Variants in FBXL18 observed in about 807,000 individuals in gnomAD.
FBXL18 encodes F-box and leucine rich repeat protein 18, also known as F-box/LRR-repeat protein 18.
A neutral mutation model predicts 46.0 loss-of-function variants in FBXL18; 36 were observed. That is an observed-to-expected ratio of 0.78 (90% CI 0.60 to 1.03). FBXL18 has a LOEUF of 1.03. Among genes scored for constraint, FBXL18 ranks in the 50% least tolerant of loss-of-function variants. FBXL18 has a pLI of 0.00. For missense variants in FBXL18, 977 were observed against 1,004.1 expected (o/e 0.97, Z 0.36); for synonymous variants, 557 against 465.3 (o/e 1.20, Z -2.54).
At chr7:5,512,571 C>CTACA (rs1784568562) in intron 1 of FBXL18, among the ~76,000 whole-genome samples, 2 of 152,302 alleles carry the variant, frequency 1.3e-5, no homozygotes, top group South Asian at 2.1e-4. Context: ...CACCGCTGCA[C>CTACA]TACAGCCTGG....
In FBXL18 at chr7:5,500,450, T is replaced by C. The variant is rs751205670; in HGVS notation, c.1781+38A>G. The C allele has an allele frequency of 5.9e-6, 9 of 1,538,264 alleles. No homozygotes were observed. The Admixed American group carries it at 1.5e-4, about 26-fold the overall frequency. ...AACGCCCCAGTTCCCTCCGCCAGCTTCCAGCAGAGGCCCGAGAGGTCCCCG... is the reference window on the plus strand; with the variant it reads ...AACGCCCCAGTTCCCTCCGCCAGCTCCCAGCAGAGGCCCGAGAGGTCCCCG... On this transcript the variant is annotated intron_variant, in intron 3 of 4. Coordinates refer to ENST00000382368, the MANE Select transcript of FBXL18 (RefSeq NM_024963.6).
intron 1 of FBXL18, among the ~76,000 whole-genome samples, chr7:5,507,215 G>A (rs1256865181): frequency 6.6e-6 from 1 of 152,146 alleles, no homozygotes. Flanking sequence ...AAGCCAGGCT[G>A]CTACCATGGC....
intron 4 of FBXL18, among the ~76,000 whole-genome samples, chr7:5,490,890 C>T (rs1006650580): frequency 2.0e-5 from 3 of 152,166 alleles, no homozygotes; most frequent in South Asian, 2.1e-4. Context: ...ACCCGGAAGG[C>T]GAAGGTCGCA....
chr7:5,498,174 G>A (rs1784134614), intron 3 of FBXL18, among the ~76,000 whole-genome samples: 3 of 147,298 alleles, frequency 2.0e-5, no homozygotes, highest in South Asian at 2.1e-4. Flanking sequence ...TGCAAGATCC[G>A]CCTCCCGGGT....
intron 4 of FBXL18, among the ~76,000 whole-genome samples, chr7:5,482,895 A>T (rs1783684361): frequency 6.6e-6 from 1 of 151,930 alleles, no homozygotes; most frequent in Non-Finnish European, 1.5e-5. Flanking sequence ...AAAATGAGTC[A>T]GGCATGGTGG....
chr7:5,475,000 G>A (rs1419905947), downstream of FBXL18, among the ~76,000 whole-genome samples: 1 of 145,576 alleles, frequency 6.9e-6, no homozygotes, highest in African/African-American at 2.5e-5. Context: ...GAGCCACCGC[G>A]CCTGGCCAAA....
At chr7:5,472,169 G>A (rs936107270), downstream of FBXL18, among the ~76,000 whole-genome samples, 3 of 152,050 alleles carry the variant, frequency 2.0e-5, no homozygotes, top group Non-Finnish European at 4.4e-5. Flanking sequence ...TGAAGCCGCT[G>A]CCCCCACTAC....
At chr7:5,500,168 C>G (rs536454726) in intron 3 of FBXL18, among the ~76,000 whole-genome samples, 1 of 152,016 alleles carries the variant, frequency 6.6e-6, no homozygotes, top group Non-Finnish European at 1.5e-5. Flanking sequence ...CCCCCACCTA[C>G]TGGCTCTGCT....
At chr7:5,512,490 G>T (rs1379617789) in intron 1 of FBXL18, among the ~76,000 whole-genome samples, 4 of 152,000 alleles carry the variant, frequency 2.6e-5, no homozygotes, top group African/African-American at 4.8e-5. Context: ...TGATGCACAC[G>T]TGTAACCCCA....
chr7:5,489,109 C>G lies in FBXL18; in HGVS notation c.2000+2122G>C, dbSNP rs1437866776. ...AAAGCAAAGTCGAGGACACAGTGAC[C>G]GTGTTTTTAAAACCGCCATGAACCA... On this transcript the variant is annotated intron_variant, in intron 4 of 4. Transcript: ENST00000382368. 5.6e-5 allele frequency: 20 copies of G among 360,136 alleles called. No homozygotes were observed. The East Asian group carries it at 1.3e-3, about 24-fold the overall frequency. The allele number at this position is 360,136 out of a possible 1,614,324, so 22.3% of individuals were successfully genotyped here.
At chr7:5,489,099 A>G (rs976107450) in intron 4 of FBXL18, 1 of 347,286 alleles carries the variant, frequency 2.9e-6, no homozygotes, top group Non-Finnish European at 5.7e-6. Flanking sequence ...AAAGTCGAGG[A>G]CACAGTGACC....
Position 5,500,746 on chromosome 7 carries a change from T to A in FBXL18, c.1523A>T (p.Asn508Ile). Reference protein sequence around the residue: ...AMPRNEPAIRNSLPPCSRAQS... With the variant: ...AMPRNEPAIRISLPPCSRAQS... ...TGCGCGGCTGCAGGGTGGGAGCGAG[T>A]TGCGGATGGCGGGCTCGTTGCGGGG... The change falls in exon 3 of 5, where the codon AAC (asparagine) becomes ATC (isoleucine). Residue 508 changes from asparagine to isoleucine, a missense_variant. Physicochemically the swap from Asn to Ile is moderately radical, Grantham distance 149. Coordinates refer to ENST00000382368, the MANE Select transcript of FBXL18 (RefSeq NM_024963.6). 6.2e-7 allele frequency: 1 copy of A among 1,611,882 alleles called. No homozygotes were observed. The highest frequency in any genetic ancestry group is 8.5e-7 in the Non-Finnish European group (1 of 1,179,570).
downstream of FBXL18, among the ~76,000 whole-genome samples, chr7:5,471,661 C>A (rs972873441): frequency 1.3e-5 from 2 of 152,188 alleles, no homozygotes; most frequent in South Asian, 4.1e-4. Context: ...CTGCCCTCCT[C>A]GGCCTCCCAA....
At position 5,511,530 on chromosome 7, in the gene FBXL18, T is replaced by TGGGAAGC. The variant is rs558507376; in HGVS notation, c.18+2120_18+2126dup. On this transcript the variant is annotated intron_variant, in intron 1 of 4. Coordinates refer to ENST00000382368, the MANE Select transcript of FBXL18 (RefSeq NM_024963.6). ...CTGAGGCAGGAGAATCGCTTGAACC[T>TGGGAAGC]GGGAAGCAGAGGTTGCAGTGAGCCG... is the stretch of plus-strand genomic sequence containing the variant. 6.1e-4 allele frequency among the ~76,000 whole-genome samples: 56 copies of TGGGAAGC among 91,288 alleles called. 1 individual carries two copies. The highest frequency in any genetic ancestry group is 1.1e-3 in the Admixed American group (9 of 7,912). The allele number at this position is 91,288 out of a possible 152,430, so 59.9% of individuals were successfully genotyped here.
At chr7:5,467,935 T>C (rs1783366506) in intron 4 of FBXL18, among the ~76,000 whole-genome samples, 1 of 151,658 alleles carries the variant, frequency 6.6e-6, no homozygotes, top group South Asian at 2.1e-4. Context: ...GCACTGCGTG[T>C]GTGAGCAGAA....
At chr7:5,491,723 G>A (rs946406380) in intron 3 of FBXL18, among the ~76,000 whole-genome samples, 6 of 152,152 alleles carry the variant, frequency 3.9e-5, no homozygotes, top group East Asian at 1.9e-4. Flanking sequence ...GTCACCAGCC[G>A]AGGCCATCAG....
At chr7:5,494,922 C>T (rs550924724) in intron 3 of FBXL18, among the ~76,000 whole-genome samples, 6 of 152,330 alleles carry the variant, frequency 3.9e-5, no homozygotes, top group Admixed American at 6.5e-5. Flanking sequence ...TCTTCCGCCC[C>T]GGAGGAAGTC....
At position 5,475,816 on chromosome 7, in the gene FBXL18, C is replaced by G. The variant is rs1033706595; in HGVS notation, c.*5959G>C. On this transcript the variant is annotated 3_prime_UTR_variant, in exon 5 of 5. Transcript: ENST00000382368. This position sits in a 1 kb window ranked among gnomAD's most constrained non-coding sequence, Gnocchi z 4.2. ...GCCGCCTGGCTTTCTAAATCAAGTCCATTTTATTTGAAATTTTCCACATGC... is the reference window on the plus strand; with the variant it reads ...GCCGCCTGGCTTTCTAAATCAAGTCGATTTTATTTGAAATTTTCCACATGC... The G allele has an allele frequency of 6.6e-6, 1 of 152,264 alleles. No individual in the cohort carries two copies. Among genetic ancestry groups the G allele is most frequent in the Non-Finnish European group, 1.5e-5 (1 of 68,056 alleles). 9.4% of individuals were successfully genotyped at this position (152,264 alleles called of 1,614,324 possible).
intron 4 of FBXL18, among the ~76,000 whole-genome samples, chr7:5,461,853 A>ACCTC (rs1562671126): frequency 3.9e-5 from 6 of 152,182 alleles, no homozygotes; most frequent in Non-Finnish European, 5.9e-5. Context: ...AGGCAGGAGA[A>ACCTC]TCACTTGAGC....
Sources: gnomAD v4.1 joint callset for allele counts (sites outside exome capture counted in the v4.1 genomes callset) on GRCh38, gnomAD v4.1.1 for gene constraint, Gnocchi (gnomAD v3.1) non-coding constraint, MANE v1.5 for transcripts, NCBI Gene and HGNC (gene_info 2026-07-23, HGNC 2026-07-21) for gene names.